Variants in ALOX15B observed in about 807,000 individuals in gnomAD.
ALOX15B encodes polyunsaturated fatty acid lipoxygenase ALOX15B.
In ALOX15B, 74 loss-of-function variants were observed where a neutral mutation model predicts 73.8. The observed-to-expected ratio is 1.00, with a 90% CI of 0.83 to 1.22. The LOEUF is 1.22. Ranked by LOEUF, ALOX15B falls within the 50% of genes most tolerant of loss-of-function variation. The pLI is 0.00. For missense variants in ALOX15B, 896 were observed against 859.9 expected (o/e 1.04, Z -0.52); for synonymous variants, 353 against 357.2 (o/e 0.99, Z 0.13).
At chr17:8,046,874 A>AG (rs777845723) in intron 9 of ALOX15B, 33 bp from the exon 10 acceptor site, 1 of 1,612,430 alleles carries the variant, frequency 6.2e-7, no homozygotes, top group Non-Finnish European at 8.5e-7. Context: ...TTCTGGAGCA[A>AG]GGTCTGTAGG....
Position 8,044,857 on chromosome 17 carries a change from C to A in ALOX15B, c.705C>A (p.Asp235Glu), listed in dbSNP as rs6503070. The A allele has an allele frequency of 8.1e-6, 13 of 1,612,350 alleles. No individual in the cohort carries two copies. In the Admixed American group the frequency reaches 8.4e-5, roughly 10 times the overall value. The change falls in exon 6 of 14, where the codon GAC becomes GAA. Residue 235 changes from aspartate (D) to glutamate (E), a missense_variant. Asp to Glu is a conservative substitution (Grantham distance 45, BLOSUM62 2). Transcript: ENST00000380183. Reference protein sequence around the residue: ...AEHAFEHWQEDAFFASQFLNG... With the variant: ...AEHAFEHWQEEAFFASQFLNG... ...ACGCATTTGAGCACTGGCAGGAGGA[C>A]GCCTTCTTCGCCTCCCAGTTCCTGA...
At chr17:8,043,439 A>G (rs1201339242) in intron 5 of ALOX15B, among the ~76,000 whole-genome samples, 1 of 152,216 alleles carries the variant, frequency 6.6e-6, no homozygotes, top group South Asian at 2.1e-4. Context: ...AGAAAACACC[A>G]CTGTGGTCAA....
At chr17:8,042,312 C>T in intron 3 of ALOX15B, 57 bp from the exon 4 acceptor site, 1 of 1,597,346 alleles carries the variant, frequency 6.3e-7, no homozygotes, top group Non-Finnish European at 8.5e-7. Flanking sequence ...TCCATCTGCC[C>T]TAGCAAAGAG....
chr17:8,048,443 A>G lies in ALOX15B; in HGVS notation c.1909A>G (p.Ile637Val), dbSNP rs1393917385. Reference sequence around the variant, plus strand: ...CACAGAGGAGGCCCCTCGGCGGAGCATCGCCACCTTCCAGAGCCGCCTGGC... The same window carrying G: ...CACAGAGGAGGCCCCTCGGCGGAGCGTCGCCACCTTCCAGAGCCGCCTGGC... ...HFTEEAPRRS[I>V]ATFQSRLAQI... Residue 637 changes from isoleucine to valine, a missense_variant, in exon 14 of 14, where the codon ATC becomes GTC. Transcript: ENST00000380183. The G allele has an allele frequency of 1.2e-6, 2 of 1,614,020 alleles. No individual in the cohort carries two copies. The highest frequency in any genetic ancestry group is 1.7e-6 in the Non-Finnish European group (2 of 1,180,038).
At chr17:8,040,605 A>G (rs56700605) in intron 3 of ALOX15B, among the ~76,000 whole-genome samples, 97 of 95,258 alleles carry the variant, frequency 1.0e-3, no homozygotes, top group African/African-American at 2.4e-3. Context: ...AAGAGAGAGA[A>G]AGAAAGAAAG....
Position 8,045,544 on chromosome 17 carries a change from G to A in ALOX15B, c.1058G>A (p.Trp353Ter). 6.2e-7 allele frequency: 1 copy of A among 1,614,180 alleles called. No individual in the cohort carries two copies. The highest frequency in any genetic ancestry group is 8.5e-7 in the Non-Finnish European group (1 of 1,180,038). ...CTGCCCACTGATGACAAGTGGGACT[G>A]GTTGCTGGCCAAGACCTGGGTGCGC... ...IFLPTDDKWD[W>*]LLAKTWVRNA... Residue 353 changes from tryptophan (W) to a stop codon, truncating the protein, a stop_gained, in exon 8 of 14, where the codon TGG becomes TAG. Transcript: ENST00000380183. LOFTEE classifies it high-confidence loss of function.
chr17:8,039,422 G>C lies in ALOX15B; in HGVS notation c.184G>C (p.Gly62Arg), dbSNP rs377605213. ...CCAGGTGACGCTCCCGGAGGACGTA[G>C]GCCGAGTGCTGCTGCTGCGCGTGCA... ...DFQVTLPEDVGRVLLLRVHKA... is the reference protein window; with the variant it reads ...DFQVTLPEDVRRVLLLRVHKA... Residue 62 changes from glycine to arginine, a missense_variant, in exon 2 of 14, where the codon GGC (glycine) becomes CGC (arginine). Gly to Arg is a moderately radical substitution (Grantham distance 125). Transcript: ENST00000380183. The C allele has an allele frequency of 1.9e-6, 3 of 1,612,786 alleles. No individual in the cohort carries two copies. In the African/African-American group the frequency reaches 4.0e-5, roughly 22 times the overall value.
chr17:8,039,690 G>A (rs1976382348), intron 2 of ALOX15B, 85 bp downstream of exon 2: 1 of 1,345,192 alleles, frequency 7.4e-7, no homozygotes. Context: ...CAGGTGAAAT[G>A]GAGAGGTGAG....
chr17:8,040,739 T>C (rs1976443696), intron 3 of ALOX15B, among the ~76,000 whole-genome samples: 1 of 151,908 alleles, frequency 6.6e-6, no homozygotes, highest in South Asian at 2.1e-4. Context: ...CGGCTTGTTG[T>C]GTCCTCCCAG....
At chr17:8,041,186 A>G (rs1005725621) in intron 3 of ALOX15B, among the ~76,000 whole-genome samples, 1 of 152,252 alleles carries the variant, frequency 6.6e-6, no homozygotes, top group Non-Finnish European at 1.5e-5. Flanking sequence ...GGAGACCCAG[A>G]GTCAGCCTAG....
At chr17:8,044,717 G>A in intron 5 of ALOX15B, 112 bp from the exon 6 acceptor site, 1 of 933,904 alleles carries the variant, frequency 1.1e-6, no homozygotes. Flanking sequence ...GACACACTGT[G>A]AAGATTAGCC....
intron 13 of ALOX15B, 101 bp from the exon 14 acceptor site, chr17:8,048,285 G>A (rs1335449845): frequency 1.4e-6 from 2 of 1,422,180 alleles, no homozygotes; most frequent in Non-Finnish European, 1.9e-6. Flanking sequence ...TAGGGCCAGA[G>A]CTGGCTAAGG....
intron 4 of ALOX15B, 100 bp from the exon 5 acceptor site, chr17:8,042,681 C>G (rs997587891): frequency 3.0e-6 from 4 of 1,355,598 alleles, no homozygotes; most frequent in Non-Finnish European, 4.1e-6. Flanking sequence ...ACCTTGGGCC[C>G]GGAGGCTGGT....
At chr17:8,044,114 A>AGGAAGGAAGGAAGGAAGGAG in intron 5 of ALOX15B, among the ~76,000 whole-genome samples, 1 of 114,160 alleles carries the variant, frequency 8.8e-6, no homozygotes, top group African/African-American at 3.3e-5. Context: ...AGAGGAAGGA[A>AGGAAGGAAGGAAGGAAGGAG]GGAAGGAAGG....
chr17:8,043,694 T>A (rs943362315), intron 5 of ALOX15B, among the ~76,000 whole-genome samples: 3 of 151,906 alleles, frequency 2.0e-5, no homozygotes, highest in Non-Finnish European at 4.4e-5. Context: ...GGCAATGCAA[T>A]GGAGAGGATG....
In ALOX15B at chr17:8,040,070, C is replaced by T. The variant is rs1322145722; in HGVS notation, c.449+87C>T. On this transcript the variant is annotated intron_variant, in intron 3 of 13. Transcript: ENST00000380183. ...CCTGGTCATGACAGAGATTAAAAGC[C>T]CCTGCCTCCACCTCTCCTATCAAAG... 10 of 1,284,454 alleles carry T rather than the reference C, an allele frequency of 7.8e-6. No individual in the cohort carries two copies. In the Admixed American group the frequency reaches 1.3e-4, roughly 16 times the overall value. 79.6% of individuals were successfully genotyped at this position (1,284,454 alleles called of 1,614,324 possible). A position where few individuals can be genotyped will look rare whatever the true frequency, so the allele number is the denominator to read the frequency against.
chr17:8,046,592 G>A, intron 8 of ALOX15B, 76 bp from the exon 9 acceptor site: 2 of 1,447,984 alleles, frequency 1.4e-6, no homozygotes, highest in Admixed American at 1.9e-5. Context: ...TTGCAGGGCT[G>A]GTGCCTGTGT....
In ALOX15B at chr17:8,044,938, C is replaced by G. The variant is rs757153840; in HGVS notation, c.786C>G (p.Pro262=). The G allele has an allele frequency of 5.0e-6, 8 of 1,614,132 alleles. No individual in the cohort carries two copies. The Admixed American group carries it at 1.2e-4, about 24-fold the overall frequency. ...RRCHYLPKNF[P]VTDAMVASVL... is the part of the protein sequence containing the mutation. Reference sequence around the variant, plus strand: ...GTCACTACCTCCCAAAGAACTTCCCCGTCACTGATGCCATGGTGGCCTCAG... The same window carrying G: ...GTCACTACCTCCCAAAGAACTTCCCGGTCACTGATGCCATGGTGGCCTCAG... The change falls in exon 6 of 14, where the codon CCC becomes CCG. Residue 262 remains proline, a synonymous_variant. Coordinates refer to ENST00000380183, the MANE Select transcript of ALOX15B (RefSeq NM_001141.3).
Position 8,039,374 on chromosome 17 carries a change from A to G in ALOX15B, c.148-12A>G. ...GAGGGTCCGGCCTGACGCATACTTAACCTCCCCTCAGGAGGAGGACTTCCA... is the reference window on the plus strand; with the variant it reads ...GAGGGTCCGGCCTGACGCATACTTAGCCTCCCCTCAGGAGGAGGACTTCCA... On this transcript the variant is annotated splice_polypyrimidine_tract_variant and intron_variant, in intron 1 of 13. Coordinates refer to ENST00000380183, the MANE Select transcript of ALOX15B (RefSeq NM_001141.3). 6.2e-7 allele frequency: 1 copy of G among 1,609,834 alleles called. No homozygotes were observed. The highest frequency in any genetic ancestry group is 2.2e-5 in the East Asian group (1 of 44,802).
Sources: allele counts gnomAD v4.1 joint callset (sites outside exome capture counted in the v4.1 genomes callset), GRCh38; gene constraint gnomAD v4.1.1; transcripts MANE v1.5; gene names NCBI Gene and HGNC (gene_info 2026-07-23, HGNC 2026-07-21).